The following RBM19 variants were observed in gnomAD, a reference collection of about 807,000 sequenced individuals.
RBM19 encodes the protein RNA binding motif protein 19.
In RBM19, 94 loss-of-function variants were observed where a neutral mutation model predicts 116.8. That is an observed-to-expected ratio of 0.80 (90% CI 0.68 to 0.95). The LOEUF is 0.95. RBM19 is among the 40% of genes least tolerant of loss of function. RBM19 has a pLI of 0.00. For missense variants in RBM19, 1,161 were observed against 1,220.7 expected (o/e 0.95, Z 0.73); for synonymous variants, 475 against 494.1 (o/e 0.96, Z 0.51).
At chr12:113,873,903 C>T (rs1879475915) in intron 21 of RBM19, among the ~76,000 whole-genome samples, 1 of 152,124 alleles carries the variant, frequency 6.6e-6, no homozygotes, top group African/African-American at 2.4e-5. Context: ...AGTGCTGTGC[C>T]CCAGAGGGCC....
At chr12:113,864,016 A>G (rs1179917176) in intron 21 of RBM19, among the ~76,000 whole-genome samples, 1 of 152,006 alleles carries the variant, frequency 6.6e-6, no homozygotes, top group East Asian at 1.9e-4. Context: ...AGCAATGTCA[A>G]TCCCATTTCC....
intron 23 of RBM19, among the ~76,000 whole-genome samples, chr12:113,843,777 C>G (rs1876710579): frequency 6.6e-6 from 1 of 152,142 alleles, no homozygotes; most frequent in East Asian, 1.9e-4. Context: ...GCTGTCTCAC[C>G]CTCTCCTCAC....
intron 7 of RBM19, among the ~76,000 whole-genome samples, chr12:113,954,485 C>A (rs761474116): frequency 6.6e-6 from 1 of 152,114 alleles, no homozygotes; most frequent in Non-Finnish European, 1.5e-5. Flanking sequence ...GCGGTAATTA[C>A]ATCCACAGCC....
chr12:113,933,530 G>A (rs1420651445), intron 16 of RBM19, among the ~76,000 whole-genome samples: 2 of 110,100 alleles, frequency 1.8e-5, no homozygotes, highest in Admixed American at 7.9e-5. Flanking sequence ...GGCCAAAGGA[G>A]GCCCAGCGGC....
intron 2 of RBM19, among the ~76,000 whole-genome samples, chr12:113,960,580 G>A (rs1355363699): frequency 6.6e-6 from 1 of 152,170 alleles, no homozygotes; most frequent in Non-Finnish European, 1.5e-5. Flanking sequence ...AAGTGACAGA[G>A]TGAAGACTGG....
chr12:113,846,147 G>A (rs1256205365), intron 22 of RBM19, among the ~76,000 whole-genome samples: 2 of 152,220 alleles, frequency 1.3e-5, no homozygotes, highest in African/African-American at 4.8e-5. Context: ...GTAGGCTCCA[G>A]GTGCTTGAGC....
At chr12:113,939,512 G>A (rs1291630340) in intron 15 of RBM19, among the ~76,000 whole-genome samples, 1 of 151,718 alleles carries the variant, frequency 6.6e-6, no homozygotes, top group Admixed American at 6.6e-5. Flanking sequence ...CACTTTGGGA[G>A]GCTGAGGCGG....
chr12:113,842,595 G>A (rs1876588240), intron 23 of RBM19, among the ~76,000 whole-genome samples: 1 of 152,244 alleles, frequency 6.6e-6, no homozygotes, highest in African/African-American at 2.4e-5. Flanking sequence ...ATCACTAAGA[G>A]AGATGAGCAC....
intron 22 of RBM19, among the ~76,000 whole-genome samples, chr12:113,855,587 GT>G (rs941027260): frequency 2.6e-5 from 4 of 152,174 alleles, no homozygotes; most frequent in African/African-American, 9.6e-5. Flanking sequence ...CCTGGGAAGG[GT>G]TTTTGAAGGA....
chr12:113,909,780 CCAAA>C (rs756976257), intron 21 of RBM19, among the ~76,000 whole-genome samples: 1 of 152,168 alleles, frequency 6.6e-6, no homozygotes. Flanking sequence ...AAACCTAACC[CCAAA>C]CAGTGTTCCT....
chr12:113,890,194 C>T (rs1157682474), intron 21 of RBM19, among the ~76,000 whole-genome samples: 1 of 152,204 alleles, frequency 6.6e-6, no homozygotes, highest in Non-Finnish European at 1.5e-5. Flanking sequence ...CTTTTACGGC[C>T]GCCTTCTCTA....
intron 1 of RBM19, 57 bp downstream of exon 1, chr12:113,966,135 C>CCTCCCGGCTGGT (rs1872849464): frequency 6.2e-7 from 1 of 1,611,258 alleles, no homozygotes; most frequent in Non-Finnish European, 8.5e-7. Context: ...CTCTTCCCTA[C>CCTCCCGGCTGGT]CTCACAGCTC....
In RBM19 at chr12:113,940,053, G is replaced by C; in HGVS notation, c.1845C>G (p.Arg615=). 1 of 1,614,022 alleles carries C rather than the reference G, an allele frequency of 6.2e-7. No individual in the cohort carries two copies. Among genetic ancestry groups the C allele is most frequent in the Non-Finnish European group, 8.5e-7 (1 of 1,179,964 alleles). Residue 615 remains arginine, a synonymous_variant, in exon 15 of 24, where the codon CGC becomes CGG. Transcript: ENST00000261741. ...TGATTCCGCCCTCTGGCAGCAGCACGCGGCCCAGGCTGCCAAAATGGCCGA... is the reference window on the plus strand; with the variant it reads ...TGATTCCGCCCTCTGGCAGCAGCACCCGGCCCAGGCTGCCAAAATGGCCGA... ...ETFGHFGSLG[R]VLLPEGGITA... is the part of the protein sequence containing the mutation.
intron 23 of RBM19, among the ~76,000 whole-genome samples, chr12:113,830,084 G>T (rs1435025598): frequency 6.6e-6 from 1 of 152,208 alleles, no homozygotes; most frequent in African/African-American, 2.4e-5. Context: ...GCAGGACCTT[G>T]AGCTCAGATA....
intron 21 of RBM19, among the ~76,000 whole-genome samples, chr12:113,861,889 C>A (rs1165586068): frequency 6.6e-6 from 1 of 152,118 alleles, no homozygotes; most frequent in African/African-American, 2.4e-5. Context: ...GAGGTCACAG[C>A]TGTGGTTGGG....
At chr12:113,860,554 T>G (rs1205928889) in intron 21 of RBM19, among the ~76,000 whole-genome samples, 6 of 152,216 alleles carry the variant, frequency 3.9e-5, no homozygotes, top group Admixed American at 6.5e-5. Context: ...AGAGCTGGTA[T>G]GAGGCAACTG....
chr12:113,836,041 C>G (rs1482111514), intron 23 of RBM19, among the ~76,000 whole-genome samples: 2 of 152,226 alleles, frequency 1.3e-5, no homozygotes, highest in African/African-American at 4.8e-5. Context: ...CGTGACCCTG[C>G]TGGTTTGTAA....
chr12:113,932,472 C>T (rs1292749213), intron 16 of RBM19: 4 of 152,340 alleles, frequency 2.6e-5, no homozygotes, highest in East Asian at 3.9e-4. Flanking sequence ...CCTCGGCCCT[C>T]CCTCTCCTTC....
intron 1 of RBM19, among the ~76,000 whole-genome samples, chr12:113,964,933 A>G (rs560391879): frequency 6.6e-6 from 1 of 151,102 alleles, no homozygotes; most frequent in African/African-American, 2.4e-5. Flanking sequence ...GTCCCACCTG[A>G]CAAATGAAAA....
Sources: allele counts gnomAD v4.1 joint callset (sites outside exome capture counted in the v4.1 genomes callset), GRCh38; gene constraint gnomAD v4.1.1; transcripts MANE v1.5; gene names NCBI Gene and HGNC (gene_info 2026-07-23, HGNC 2026-07-21).